The following NCOA6 variants were observed in gnomAD, a reference collection of about 807,000 sequenced individuals.
NCOA6 encodes the protein NRC RAP250.
NCOA6 carries 49 observed loss-of-function variants against 171.4 expected under a neutral mutation model. That is an observed-to-expected ratio of 0.29 (90% CI 0.23 to 0.36). NCOA6 has a LOEUF of 0.36. Among genes scored for constraint, NCOA6 ranks in the 10% least tolerant of loss-of-function variants. The pLI, the probability that NCOA6 is intolerant of heterozygous loss-of-function variation, is 1.00. For synonymous variants in NCOA6, 910 were observed against 927.5 expected, an observed-to-expected ratio of 0.98 and a Z score of 0.34; for missense variants, 2,248 against 2,554.5, an observed-to-expected ratio of 0.88 and a Z score of 2.59.
At position 34,740,142 on chromosome 20, in the gene NCOA6, C is replaced by T. The variant is rs139041048; in HGVS notation, c.5893+221G>A. Among the ~76,000 whole-genome samples, 10 of 152,318 alleles carry T rather than the reference C, an allele frequency of 6.6e-5. No homozygotes were observed. In the East Asian group the frequency reaches 1.9e-3, roughly 29 times the overall value. On this transcript the variant is annotated intron_variant, in intron 11 of 14. Transcript: ENST00000359003. The stretch of plus-strand genomic sequence containing the variant: ...CCTCCCAAAGTGCTGGGATTACAGG[C>T]GTGAGCCACCGCACCTGGCCCTTAG...
chr20:34,796,040 T>TTGC lies in NCOA6; in HGVS notation c.-163-3480_-163-3478dup, dbSNP rs1568866869. The stretch of plus-strand genomic sequence containing the variant: ...TTTTTTTTTTTTTTGAGACAGAGTC[T>TTGC]TGCTCTGTCACCTAGGCTAGAGTGC... On this transcript the variant is annotated intron_variant, in intron 1 of 14. Transcript: ENST00000359003. 2.8e-5 allele frequency among the ~76,000 whole-genome samples: 4 copies of TTGC among 143,298 alleles called. No homozygotes were observed. The Admixed American group carries it at 2.9e-4, about 10-fold the overall frequency. The allele number at this position is 143,298 out of a possible 152,430, so 94.0% of individuals were successfully genotyped here.
intron 14 of NCOA6, among the ~76,000 whole-genome samples, chr20:34,718,105 C>CA (rs535408799): frequency 1.0e-3 from 159 of 152,040 alleles, no homozygotes; most frequent in African/African-American, 3.6e-3. Flanking sequence ...CTAGAAACTG[C>CA]AAAAAAACCC....
In NCOA6 at chr20:34,750,505, C is replaced by T. The variant is rs780397750; in HGVS notation, c.1690G>A (p.Gly564Ser). The T allele has an allele frequency of 1.3e-5, 20 of 1,592,324 alleles. No homozygotes were observed. In the Admixed American group the frequency reaches 3.4e-4, roughly 27 times the overall value. ...NVQHAGGQGA[G>S]PPQNQMQVSH... ...ACCTGCATCTGGTTTTGAGGAGGAC[C>T]AGCTCCTTGACCACCTTAAAAAAAA... Residue 564 changes from glycine (G) to serine (S), a missense_variant, in exon 9 of 15, where the codon GGT becomes AGT. Physicochemically the swap from Gly to Ser is moderately conservative, Grantham distance 56. Coordinates refer to ENST00000359003, the MANE Select transcript of NCOA6 (RefSeq NM_014071.5).
intron 2 of NCOA6, among the ~76,000 whole-genome samples, chr20:34,785,155 C>A (rs2146241918): frequency 6.6e-6 from 1 of 152,100 alleles, no homozygotes; most frequent in South Asian, 2.1e-4. Flanking sequence ...TTCCAAAAAC[C>A]AACCTAAGCA....
At chr20:34,722,054 C>CAAAAAAAAAAAAAAAAAAAAAA (rs71196757) in intron 14 of NCOA6, among the ~76,000 whole-genome samples, 1 of 63,388 alleles carries the variant, frequency 1.6e-5, no homozygotes, top group Non-Finnish European at 2.8e-5. Flanking sequence ...GACCCTGTCT[C>CAAAAAAAAAAAAAAAAAAAAAA]AAAAAAAAAA....
chr20:34,758,405 T>C (rs2076717004), intron 6 of NCOA6, among the ~76,000 whole-genome samples: 1 of 152,162 alleles, frequency 6.6e-6, no homozygotes, highest in African/African-American at 2.4e-5. Context: ...ACAATTAGGT[T>C]TGGGAAACAC....
At chr20:34,794,083 G>A (rs2146357379) in intron 1 of NCOA6, among the ~76,000 whole-genome samples, 1 of 152,182 alleles carries the variant, frequency 6.6e-6, no homozygotes, top group East Asian at 1.9e-4. Flanking sequence ...ATTGCTGGCG[G>A]TAGTGCAAAT....
chr20:34,743,163 T>TTGC lies in NCOA6; in HGVS notation c.3090_3092dup (p.Gln1032dup), dbSNP rs112051697. The TTGC allele has an allele frequency of 1.4e-4, 220 of 1,613,222 alleles. 1 individual carries two copies. The highest frequency in any genetic ancestry group is 6.0e-4 in the East Asian group (27 of 44,846). On this transcript the variant is annotated inframe_insertion, in exon 11 of 15. Transcript: ENST00000359003. ...GCATCATGAGCATCATCATCATTTG[T>TTGC]TGCTGCTGCTGCTGCTGCTGCTGAG...
intron 10 of NCOA6, 74 bp from the exon 11 acceptor site, chr20:34,743,415 A>T: frequency 6.9e-7 from 1 of 1,447,650 alleles, no homozygotes; most frequent in Non-Finnish European, 9.4e-7. Flanking sequence ...GAGTATAGCC[A>T]AGCAATACTC....
chr20:34,820,285 G>A (rs1025652181), intron 1 of NCOA6: 3 of 152,198 alleles, frequency 2.0e-5, no homozygotes, highest in Admixed American at 6.6e-5. Context: ...TGGGAGGTGG[G>A]AGGGTTGCTT....
intron 5 of NCOA6, among the ~76,000 whole-genome samples, chr20:34,762,349 C>T (rs978572408): frequency 1.4e-4 from 22 of 152,174 alleles, no homozygotes; most frequent in South Asian, 1.2e-3. Context: ...TGTAACAGCA[C>T]ATAGGTAAAC....
At chr20:34,751,693 G>C (rs537983819) in intron 8 of NCOA6, among the ~76,000 whole-genome samples, 44 of 152,184 alleles carry the variant, frequency 2.9e-4, no homozygotes, top group African/African-American at 1.0e-3. Context: ...CGCAGTCCCT[G>C]GTGAATCATG....
At chr20:34,789,974 C>G (rs1027556237) in intron 2 of NCOA6, among the ~76,000 whole-genome samples, 1 of 151,726 alleles carries the variant, frequency 6.6e-6, no homozygotes, top group African/African-American at 2.4e-5. Context: ...GTGGCTCACA[C>G]CTGTAATCCC....
In NCOA6 at chr20:34,743,162, G is replaced by C. The variant is rs760827509; in HGVS notation, c.3094C>G (p.Gln1032Glu). ...TGCATCATGAGCATCATCATCATTT[G>C]TTGCTGCTGCTGCTGCTGCTGCTGA... is the stretch of plus-strand genomic sequence containing the variant. ...QSQQQQQQQQ[Q>E]MMMMLMMQQD... Residue 1032 changes from glutamine (Q) to glutamate (E), a missense_variant, in exon 11 of 15, where the codon CAA becomes GAA. Physicochemically the swap from Gln to Glu is conservative, Grantham distance 29. This residue lies in a region of NCOA6 where 352 missense variants were observed against 419.1 expected (regional missense o/e 0.84). Transcript: ENST00000359003. 6.2e-7 allele frequency: 1 copy of C among 1,614,080 alleles called. No homozygotes were observed. The highest frequency in any genetic ancestry group is 1.3e-5 in the African/African-American group (1 of 75,050).
At chr20:34,800,292 G>C (rs1266194305) in intron 1 of NCOA6, among the ~76,000 whole-genome samples, 19 of 151,856 alleles carry the variant, frequency 1.3e-4, no homozygotes, top group Admixed American at 1.2e-3. Flanking sequence ...AAGAAAGACA[G>C]GAAGGAAGGG....
intron 6 of NCOA6, among the ~76,000 whole-genome samples, chr20:34,758,408 G>A (rs556594239): frequency 6.6e-6 from 1 of 152,096 alleles, no homozygotes; most frequent in African/African-American, 2.4e-5. Context: ...ATTAGGTTTG[G>A]GAAACACTGA....
chr20:34,822,600 C>G (rs994217734), intron 1 of NCOA6, among the ~76,000 whole-genome samples: 2 of 152,208 alleles, frequency 1.3e-5, no homozygotes, highest in East Asian at 3.8e-4. Flanking sequence ...ATGTCTACTT[C>G]ACTCATGGGG....
chr20:34,727,155 T>A, intron 14 of NCOA6, 104 bp downstream of exon 14: 1 of 1,363,782 alleles, frequency 7.3e-7, no homozygotes, highest in Non-Finnish European at 1.0e-6. Context: ...CTTGACAGAC[T>A]TCAGGAACAG....
rs1555860852 is a variant in NCOA6 at position 34,817,171 on chromosome 20, ATGGGT to A, written c.-164+8296_-164+8300del. Among the ~76,000 whole-genome samples, 100 of 125,338 alleles carry A rather than the reference ATGGGT, an allele frequency of 8.0e-4. 28 individuals carry two copies. Among genetic ancestry groups the A allele is most frequent in the Non-Finnish European group, 1.3e-3 (72 of 55,466 alleles). The allele number at this position is 125,338 out of a possible 152,430, so 82.2% of individuals were successfully genotyped here. On this transcript the variant is annotated intron_variant, in intron 1 of 14. Transcript: ENST00000359003. ...CAAAAGCAAAAGAAAATGTATATAA[ATGGGT>A]ACTACGGAACTGATATTCAACAGAT...
Sources: allele counts gnomAD v4.1 joint callset (sites outside exome capture counted in the v4.1 genomes callset), GRCh38; gene constraint gnomAD v4.1.1; regional missense constraint gnomAD v4.1.1; transcripts MANE v1.5; gene names NCBI Gene and HGNC (gene_info 2026-07-23, HGNC 2026-07-21).